The following NBAS variants were observed in gnomAD, a reference collection of about 807,000 sequenced individuals.
The protein encoded by NBAS is NBAS subunit of NRZ tethering complex.
Under a neutral mutation model 302.5 loss-of-function variants are expected in NBAS, and 219 were observed. The observed-to-expected ratio is 0.72, with a 90% CI of 0.65 to 0.81. The LOEUF is 0.81. Ranked by LOEUF, NBAS falls within the 30% of genes least tolerant of loss-of-function variation. The pLI is 0.00. For missense variants in NBAS, 2,932 were observed against 2,841.6 expected (o/e 1.03, Z -0.72); for synonymous variants, 1,118 against 1,021.6 (o/e 1.09, Z -1.80).
intron 28 of NBAS, among the ~76,000 whole-genome samples, chr2:15,390,209 T>C (rs1675520133): frequency 6.6e-6 from 1 of 152,158 alleles, no homozygotes; most frequent in Non-Finnish European, 1.5e-5. Flanking sequence ...TTAGCTCAGT[T>C]ATGGGGAATA....
the NBAS span, among the ~76,000 whole-genome samples, chr2:14,842,969 T>G: frequency 2.0e-5 from 3 of 151,496 alleles, no homozygotes; most frequent in African/African-American, 7.3e-5. Context: ...TCATTCACAA[T>G]AATCAAGTAG....
At chr2:14,880,688 A>G in the NBAS span, among the ~76,000 whole-genome samples, 1 of 151,998 alleles carries the variant, frequency 6.6e-6, no homozygotes, top group African/African-American at 2.4e-5. Flanking sequence ...AGAGATATGA[A>G]AGACAATAAA....
the NBAS span, among the ~76,000 whole-genome samples, chr2:14,829,786 G>GT: frequency 6.6e-6 from 1 of 152,216 alleles, no homozygotes; most frequent in African/African-American, 2.4e-5. Flanking sequence ...CAAAAACCGA[G>GT]TGAGTAAACA....
chr2:14,980,883 A>C, the NBAS span, among the ~76,000 whole-genome samples: 1 of 152,200 alleles, frequency 6.6e-6, no homozygotes. Flanking sequence ...AAAATAAGAA[A>C]GAATGTTTGT....
chr2:15,205,387 A>C (rs749974113), intron 48 of NBAS, among the ~76,000 whole-genome samples: 8 of 152,100 alleles, frequency 5.3e-5, no homozygotes, highest in Non-Finnish European at 5.9e-5. Context: ...AACAACAAAA[A>C]CAGCAGGAGT....
chr2:15,115,329 C>T, the NBAS span, among the ~76,000 whole-genome samples: 80 of 152,254 alleles, frequency 5.3e-4, 1 homozygote, highest in African/African-American at 4.1e-4. Flanking sequence ...GGAAGTTAGA[C>T]GCTGACATAC....
the NBAS span, among the ~76,000 whole-genome samples, chr2:14,780,326 C>T: frequency 1.3e-5 from 2 of 152,300 alleles, no homozygotes; most frequent in South Asian, 2.1e-4. Context: ...CATGTAATTG[C>T]TATTTATGCA....
chr2:15,190,374 C>T lies in NBAS; in HGVS notation c.6462G>A (p.Glu2154=). ...GTTCCATGAATAGACAGTAGCGGTT[C>T]TCTTCATTCTCAATGTCAGCTATGT... is the stretch of plus-strand genomic sequence containing the variant. ...QVDIADIENE[E]NRYCLFMELL... is the part of the protein sequence containing the mutation. The change falls in exon 49 of 52, where the codon GAG becomes GAA. Residue 2154 remains glutamate, a synonymous_variant. Transcript: ENST00000281513. 6.2e-7 allele frequency: 1 copy of T among 1,613,970 alleles called. No individual in the cohort carries two copies. Among genetic ancestry groups the T allele is most frequent in the Non-Finnish European group, 8.5e-7 (1 of 1,179,906 alleles).
At chr2:14,981,055 A>C in the NBAS span, among the ~76,000 whole-genome samples, 6 of 149,010 alleles carry the variant, frequency 4.0e-5, no homozygotes, top group Non-Finnish European at 8.9e-5. Flanking sequence ...AAAAAGAAAA[A>C]AATGAGAGGA....
chr2:15,247,728 A>T (rs1184126255), intron 44 of NBAS, among the ~76,000 whole-genome samples: 1 of 150,322 alleles, frequency 6.7e-6, no homozygotes, highest in African/African-American at 2.4e-5. Context: ...ATATACCTCT[A>T]TCTATAGATC....
At chr2:15,481,109 A>G (rs1438380678) in intron 12 of NBAS, among the ~76,000 whole-genome samples, 1 of 152,184 alleles carries the variant, frequency 6.6e-6, no homozygotes, top group East Asian at 1.9e-4. Flanking sequence ...TCTTTCACTT[A>G]GTATAATATT....
chr2:15,433,055 G>A (rs887354303), intron 21 of NBAS, among the ~76,000 whole-genome samples: 2 of 152,180 alleles, frequency 1.3e-5, no homozygotes, highest in Admixed American at 6.5e-5. Flanking sequence ...CTCCCACCAC[G>A]AGTTTAATCT....
intron 43 of NBAS, among the ~76,000 whole-genome samples, chr2:15,276,276 AAACTGATGGG>A (rs1558495901): frequency 6.6e-6 from 1 of 152,202 alleles, no homozygotes; most frequent in Non-Finnish European, 1.5e-5. Flanking sequence ...AACAACTGAT[AAACTGATGGG>A]AACTCTCACA....
rs564797583 is a variant in NBAS, at chr2:15,214,172, G to A, written c.6432+4601C>T. ...AGGAGTCCTGCCCTGCCATTTTAAG[G>A]GTGACCTTGGACAAATTTTTAAAGA... On this transcript the variant is annotated intron_variant, in intron 48 of 51. Transcript: ENST00000281513. 7.2e-5 allele frequency among the ~76,000 whole-genome samples: 11 copies of A among 152,182 alleles called. No homozygotes were observed. In the South Asian group the frequency reaches 2.3e-3, roughly 32 times the overall value.
chr2:15,059,103 G>A, the NBAS span, among the ~76,000 whole-genome samples: 1 of 152,136 alleles, frequency 6.6e-6, no homozygotes, highest in African/African-American at 2.4e-5. Context: ...CCTGGTCCTT[G>A]CAAAATCTGT....
chr2:14,938,953 G>T, the NBAS span, among the ~76,000 whole-genome samples: 2 of 152,176 alleles, frequency 1.3e-5, no homozygotes, highest in Admixed American at 6.5e-5. Flanking sequence ...AAACCTTCTA[G>T]GTCTCTCTTC....
At chr2:15,421,167 C>G (rs1677195769) in intron 23 of NBAS, among the ~76,000 whole-genome samples, 2 of 152,100 alleles carry the variant, frequency 1.3e-5, no homozygotes, top group Non-Finnish European at 2.9e-5. Context: ...ACCTCTATCT[C>G]AAATGAATTC....
rs1304323071 is a variant in NBAS at position 15,277,001 on chromosome 2, TATACTTGA to T, written c.5231_5238del (p.Val1744AspfsTer9). The T allele has an allele frequency of 6.2e-7, 1 of 1,613,862 alleles. No homozygotes were observed. The highest frequency in any genetic ancestry group is 1.3e-5 in the African/African-American group (1 of 74,898). On this transcript the variant is annotated frameshift_variant, in exon 43 of 52. Transcript: ENST00000281513. LOFTEE classifies it high-confidence loss of function. ...TCAAAGCCACCAATAGTAGGGTAAA[TATACTTGA>T]CCATGTGCTGGTGAAAGGCTTCTGG...
At chr2:15,236,474 A>G (rs1229475389) in intron 45 of NBAS, among the ~76,000 whole-genome samples, 2 of 133,350 alleles carry the variant, frequency 1.5e-5, no homozygotes, top group African/African-American at 5.8e-5. Context: ...GCTTGAGCCC[A>G]GGAGGTAGAG....
Sources: gnomAD v4.1 joint callset for allele counts (sites outside exome capture counted in the v4.1 genomes callset) on GRCh38, gnomAD v4.1.1 for gene constraint, MANE v1.5 for transcripts, NCBI Gene and HGNC (gene_info 2026-07-23, HGNC 2026-07-21) for gene names.